Variants in N4BP2L2 observed in about 807,000 individuals in gnomAD.
The protein encoded by N4BP2L2 is NEDD4-binding protein 2-like 2.
In N4BP2L2, 50 loss-of-function variants were observed where a neutral mutation model predicts 56.2. That is an observed-to-expected ratio of 0.89 (90% CI 0.71 to 1.13). The LOEUF (loss-of-function observed/expected upper bound fraction) is 1.13. Among genes scored for constraint, N4BP2L2 ranks in the 50% most tolerant of loss-of-function variants. N4BP2L2 has a pLI of 0.00. For synonymous variants in N4BP2L2, 203 were observed against 223.6 expected (o/e 0.91, Z 0.82); for missense variants, 689 against 693.8 (o/e 0.99, Z 0.08).
chr13:32,443,431 T>C (rs2076623213), exon 7 of N4BP2L2: 7 of 1,613,876 alleles, frequency 4.3e-6, no homozygotes, highest in Non-Finnish European at 5.9e-6. Flanking sequence ...ATCAGATAAA[T>C]TGGTTGTGAA....
intron 6 of N4BP2L2, chr13:32,478,003 T>C: frequency 7.8e-7 from 1 of 1,289,392 alleles, no homozygotes; most frequent in Non-Finnish European, 1.0e-6. Context: ...CATACTGGTG[T>C]TCATCATCTT....
At chr13:32,433,562 G>C (rs2075072980) in intron 9 of N4BP2L2, among the ~76,000 whole-genome samples, 1 of 151,924 alleles carries the variant, frequency 6.6e-6, no homozygotes, top group Non-Finnish European at 1.5e-5. Flanking sequence ...GAACCTGGGA[G>C]GTGGAGGTTG....
chr13:32,498,417 G>C (rs1027532072), intron 6 of N4BP2L2, among the ~76,000 whole-genome samples: 14 of 152,114 alleles, frequency 9.2e-5, no homozygotes, highest in Admixed American at 7.9e-4. Flanking sequence ...TGTGATCTTG[G>C]CTCACTGCAA....
chr13:32,520,708 C>T (rs369602074), intron 5 of N4BP2L2, among the ~76,000 whole-genome samples: 3 of 149,786 alleles, frequency 2.0e-5, no homozygotes, highest in African/African-American at 7.3e-5. Flanking sequence ...TCAGGAAACA[C>T]AGTGATATGA....
chr13:32,526,028 C>A (rs1053000753), intron 3 of N4BP2L2, among the ~76,000 whole-genome samples: 3 of 97,362 alleles, frequency 3.1e-5, no homozygotes, highest in Non-Finnish European at 3.6e-5. Context: ...TATCTGCTTG[C>A]CAAAAAAAAA....
At chr13:32,477,872 A>G (rs2083684814) in intron 6 of N4BP2L2, 2 of 1,289,264 alleles carry the variant, frequency 1.6e-6, no homozygotes, top group African/African-American at 3.0e-5. Flanking sequence ...TTCATGCAGA[A>G]TTCCGTCAAA....
intron 8 of N4BP2L2, among the ~76,000 whole-genome samples, chr13:32,436,773 G>C (rs941813670): frequency 3.0e-5 from 3 of 99,454 alleles, no homozygotes; most frequent in Admixed American, 1.6e-4. Flanking sequence ...CTGGCTGAGA[G>C]AGTGTGACTG....
intron 6 of N4BP2L2, among the ~76,000 whole-genome samples, chr13:32,452,157 G>T (rs1055372307): frequency 4.0e-5 from 6 of 151,532 alleles, no homozygotes. Flanking sequence ...CGCCTCCCAG[G>T]TTCAAGTGAT....
intron 6 of N4BP2L2, among the ~76,000 whole-genome samples, chr13:32,493,867 A>C (rs2087795766): frequency 6.6e-6 from 1 of 152,248 alleles, no homozygotes; most frequent in South Asian, 2.1e-4. Context: ...TTGGGACAGC[A>C]AAGAAATGAC....
intron 6 of N4BP2L2, among the ~76,000 whole-genome samples, chr13:32,457,798 G>A (rs573222066): frequency 1.6e-4 from 24 of 152,216 alleles, no homozygotes; most frequent in African/African-American, 5.8e-4. Flanking sequence ...AAAACTCACT[G>A]GTAGAGCAAA....
intron 7 of N4BP2L2, chr13:32,438,780 C>T: frequency 1.4e-6 from 2 of 1,440,544 alleles, no homozygotes; most frequent in Non-Finnish European, 1.9e-6. Flanking sequence ...TAATGTCACA[C>T]AGATTTTTGC....
intron 6 of N4BP2L2, among the ~76,000 whole-genome samples, chr13:32,470,353 G>A (rs1252248920): frequency 1.3e-5 from 2 of 152,168 alleles, no homozygotes; most frequent in East Asian, 1.9e-4. Context: ...GTTTAAAAGC[G>A]GGAATGCCCC....
At chr13:32,495,321 C>G (rs141810315) in intron 6 of N4BP2L2, among the ~76,000 whole-genome samples, 1 of 152,142 alleles carries the variant, frequency 6.6e-6, no homozygotes, top group African/African-American at 2.4e-5. Context: ...TCCTTAGTAA[C>G]CCATCAACAG....
chr13:32,491,651 A>G (rs2087130857), intron 6 of N4BP2L2, among the ~76,000 whole-genome samples: 1 of 129,422 alleles, frequency 7.7e-6, no homozygotes, highest in African/African-American at 3.0e-5. Context: ...TTTTTTTTTG[A>G]GACGGAGTCT....
At chr13:32,536,326 A>T in exon 2 of N4BP2L2, 2 of 1,614,004 alleles carry the variant, frequency 1.2e-6, no homozygotes, top group Non-Finnish European at 1.7e-6. Context: ...TCTGCTGATA[A>T]TCACAATGTG....
chr13:32,508,855 A>T (rs1403359944), downstream of N4BP2L2: 1 of 152,224 alleles, frequency 6.6e-6, no homozygotes, highest in African/African-American at 2.4e-5. Flanking sequence ...TTGTTGAACC[A>T]TTTTAAGACT....
intron 6 of N4BP2L2, among the ~76,000 whole-genome samples, chr13:32,491,496 C>T (rs985545736): frequency 6.7e-6 from 1 of 148,734 alleles, no homozygotes; most frequent in African/African-American, 2.5e-5. Context: ...CAATAATCAA[C>T]AGTTTTTATA....
chr13:32,476,909 G>A (rs1037055525), intron 6 of N4BP2L2, among the ~76,000 whole-genome samples: 2 of 152,054 alleles, frequency 1.3e-5, no homozygotes, highest in Non-Finnish European at 2.9e-5. Flanking sequence ...GTGCAGCCCC[G>A]GCGGGAACAC....
At chr13:32,517,929 G>T in exon 6 of N4BP2L2, 1 of 1,614,046 alleles carries the variant, frequency 6.2e-7, no homozygotes. Flanking sequence ...CATTACAATA[G>T]AAATGGACAT....
Sources: allele counts gnomAD v4.1 joint callset (sites outside exome capture counted in the v4.1 genomes callset), GRCh38; gene constraint gnomAD v4.1.1; transcripts MANE v1.5; gene names NCBI Gene and HGNC (gene_info 2026-07-23, HGNC 2026-07-21).